Variants in TCF12 observed in about 807,000 individuals in gnomAD.
The protein encoded by TCF12 is transcription factor 12.
TCF12 carries 45 observed loss-of-function variants against 86.0 expected under a neutral mutation model. The observed-to-expected ratio is 0.52, with a 90% CI of 0.41 to 0.67. TCF12 has a LOEUF of 0.67. Among genes scored for constraint, TCF12 ranks in the 30% least tolerant of loss-of-function variants. The pLI is 0.00. For synonymous variants in TCF12, 330 were observed against 299.6 expected (o/e 1.10, Z -1.05); for missense variants, 881 against 859.9 (o/e 1.02, Z -0.31).
At chr15:57,265,032 CT>C (rs201032660) in intron 18 of TCF12, among the ~76,000 whole-genome samples, 17 of 147,170 alleles carry the variant, frequency 1.2e-4, no homozygotes, top group East Asian at 5.9e-4. Context: ...ACCCGGCCAA[CT>C]TTTTTTTTTA....
At chr15:57,113,097 T>C (rs1418233760) in intron 5 of TCF12, among the ~76,000 whole-genome samples, 5 of 152,338 alleles carry the variant, frequency 3.3e-5, no homozygotes, top group African/African-American at 9.6e-5. Flanking sequence ...TCTTCATTTT[T>C]CTGGCTCAAG....
At chr15:57,246,021 G>GAA (rs3840022) in intron 13 of TCF12, among the ~76,000 whole-genome samples, 21 of 149,926 alleles carry the variant, frequency 1.4e-4, no homozygotes, top group Middle Eastern at 3.4e-3. Flanking sequence ...CTGTCAAAGG[G>GAA]AAAAAAAAAG....
chr15:57,152,201 T>C (rs1222038526), intron 5 of TCF12, among the ~76,000 whole-genome samples: 1 of 152,178 alleles, frequency 6.6e-6, no homozygotes, highest in African/African-American at 2.4e-5. Flanking sequence ...CATACCCACT[T>C]CCAGGCCTAA....
intron 16 of TCF12, among the ~76,000 whole-genome samples, chr15:57,254,915 C>T (rs1204814383): frequency 6.7e-6 from 1 of 149,718 alleles, no homozygotes; most frequent in East Asian, 1.9e-4. Flanking sequence ...ATTGTTATCA[C>T]TGCTGGTAAT....
intron 5 of TCF12, among the ~76,000 whole-genome samples, chr15:57,160,616 T>G (rs2054434317): frequency 6.6e-6 from 1 of 152,212 alleles, no homozygotes; most frequent in Non-Finnish European, 1.5e-5. Context: ...TAAAACTTGG[T>G]CATCCAGTAG....
At chr15:57,072,542 T>C in intron 4 of TCF12, 1 of 556,286 alleles carries the variant, frequency 1.8e-6, no homozygotes, top group Non-Finnish European at 2.5e-6. Context: ...CTATTGTTTT[T>C]ATTTTTGAAG....
At chr15:57,079,952 G>C (rs1157798636) in intron 4 of TCF12, among the ~76,000 whole-genome samples, 3 of 152,080 alleles carry the variant, frequency 2.0e-5, no homozygotes, top group Non-Finnish European at 4.4e-5. Flanking sequence ...GTATATTTAA[G>C]GAGACTTAAA....
chr15:57,267,878 C>T (rs752469082), intron 18 of TCF12, among the ~76,000 whole-genome samples: 1 of 152,194 alleles, frequency 6.6e-6, no homozygotes, highest in African/African-American at 2.4e-5. Flanking sequence ...TTCTTCTTCT[C>T]TAAAAGGAGA....
At chr15:57,218,828 A>C (rs940705401) in intron 8 of TCF12, among the ~76,000 whole-genome samples, 28 of 152,192 alleles carry the variant, frequency 1.8e-4, no homozygotes, top group Admixed American at 1.2e-3. Flanking sequence ...GCTTTTTAAT[A>C]AAATGTGTTC....
intron 16 of TCF12, among the ~76,000 whole-genome samples, chr15:57,256,543 T>TCCCCCCCCCCCC (rs1566997445): frequency 7.2e-6 from 1 of 138,158 alleles, no homozygotes; most frequent in Non-Finnish European, 1.6e-5. Context: ...TGGAATCGAT[T>TCCCCCCCCCCCC]CCCCACCCCC....
intron 20 of TCF12, among the ~76,000 whole-genome samples, chr15:57,285,259 TC>T (rs1485416931): frequency 6.6e-6 from 1 of 152,166 alleles, no homozygotes; most frequent in Non-Finnish European, 1.5e-5. Context: ...TAGTTTTCCG[TC>T]CCTAAGAGCA....
intron 6 of TCF12, 105 bp from the exon 7 acceptor site, chr15:57,192,053 G>GTT (rs1268693740): frequency 3.7e-6 from 5 of 1,343,432 alleles, no homozygotes; most frequent in Non-Finnish European, 5.1e-6. Context: ...TGCGTTCTAA[G>GTT]TTAAGACATT....
chr15:57,273,602 C>T (rs1458682245), intron 19 of TCF12, among the ~76,000 whole-genome samples: 1 of 152,054 alleles, frequency 6.6e-6, no homozygotes, highest in African/African-American at 2.4e-5. Flanking sequence ...ACCTGCCCTC[C>T]TCCCTGCTCT....
intron 3 of TCF12, among the ~76,000 whole-genome samples, chr15:56,966,686 A>T (rs1294832925): frequency 6.6e-6 from 1 of 152,036 alleles, no homozygotes; most frequent in African/African-American, 2.4e-5. Context: ...ACTTTCACTT[A>T]TTTTTTTTCT....
At chr15:56,921,211 G>A (rs1595683897) in intron 3 of TCF12, 113 bp downstream of exon 3, 1 of 627,368 alleles carries the variant, frequency 1.6e-6, no homozygotes, top group Non-Finnish European at 2.3e-6. Context: ...ATAAAAGATG[G>A]AATTGAGTCA....
At chr15:57,023,661 C>G (rs1161352282) in intron 3 of TCF12, among the ~76,000 whole-genome samples, 1 of 151,926 alleles carries the variant, frequency 6.6e-6, no homozygotes, top group African/African-American at 2.4e-5. Flanking sequence ...CAGGGAGGTA[C>G]AAAACTTGCT....
chr15:57,250,823 G>A (rs1483249061), intron 13 of TCF12, among the ~76,000 whole-genome samples: 1 of 151,510 alleles, frequency 6.6e-6, no homozygotes, highest in Non-Finnish European at 1.5e-5. Context: ...TTGAACTCAG[G>A]AGGTGGAGGT....
intron 6 of TCF12, among the ~76,000 whole-genome samples, chr15:57,169,499 A>G (rs914271437): frequency 6.6e-6 from 1 of 152,212 alleles, no homozygotes; most frequent in African/African-American, 2.4e-5. Flanking sequence ...GCTTCTGCCT[A>G]CTTAGTAGAT....
intron 8 of TCF12, among the ~76,000 whole-genome samples, chr15:57,204,856 A>G (rs1204300621): frequency 1.3e-5 from 2 of 152,304 alleles, no homozygotes; most frequent in African/African-American, 2.4e-5. Flanking sequence ...CTTGCTAGCC[A>G]TCTGAACCAG....
Sources: allele counts gnomAD v4.1 joint callset (sites outside exome capture counted in the v4.1 genomes callset), GRCh38; gene constraint gnomAD v4.1.1; transcripts MANE v1.5; gene names NCBI Gene and HGNC (gene_info 2026-07-23, HGNC 2026-07-21).